TNFSF9: variants seen among roughly 807,000 people sequenced by gnomAD.
The protein encoded by TNFSF9 is TNF superfamily member 9.
Under a neutral mutation model 10.3 loss-of-function variants are expected in TNFSF9, and 10 were observed. That is an observed-to-expected ratio of 0.97 (90% confidence interval 0.60 to 1.65). The LOEUF (loss-of-function observed/expected upper bound fraction) is 1.65, where lower values mean the gene tolerates loss of function less well. TNFSF9 is among the 40% of genes most tolerant of loss of function. The pLI, the probability that TNFSF9 is intolerant of heterozygous loss-of-function variation, is 0.00. For synonymous variants in TNFSF9, 195 were observed against 176.1 expected (o/e 1.11, Z -0.85); for missense variants, 361 against 348.9 (o/e 1.03, Z -0.28).
At position 6,535,022 on chromosome 19, in the gene TNFSF9, A is replaced by T. The variant is rs1915238819; in HGVS notation, c.721A>T (p.Thr241Ser). Residue 241 changes from threonine (T) to serine (S), a missense_variant, in exon 3 of 3, where the codon ACC (threonine) becomes TCC (serine). Coordinates refer to ENST00000245817, the MANE Select transcript of TNFSF9 (RefSeq NM_003811.4). ...CACAGTCTTGGGACTCTTCCGGGTGACCCCCGAAATCCCAGCCGGACTCCC... is the reference window on the plus strand; with the variant it reads ...CACAGTCTTGGGACTCTTCCGGGTGTCCCCCGAAATCCCAGCCGGACTCCC... ...GATVLGLFRV[T>S]PEIPAGLPSP... 6.3e-7 allele frequency: 1 copy of T among 1,587,648 alleles called. No homozygotes were observed. Among genetic ancestry groups the T allele is most frequent in the African/African-American group, 1.3e-5 (1 of 74,194 alleles).
rs1414163708 is a variant in TNFSF9, at chr19:6,531,298, C to A, written c.262C>A (p.Arg88=). 2.7e-6 allele frequency: 4 copies of A among 1,492,540 alleles called. No homozygotes were observed. In the African/African-American group the frequency reaches 4.4e-5, roughly 16 times the overall value. 92.5% of individuals were successfully genotyped at this position (1,492,540 alleles called of 1,614,324 possible). Residue 88 remains arginine, a synonymous_variant, in exon 1 of 3, where the codon CGG becomes AGG. Transcript: ENST00000245817. ...CGATCCCGCCGGCCTCTTGGACCTG[C>A]GGCAGGTGAGACGTGCCCCGACCCT... The part of the protein sequence containing the change: ...PDDPAGLLDL[R]QGMFAQLVAQ...
chr19:6,534,250 C>T (rs1358185372), intron 2 of TNFSF9, among the ~76,000 whole-genome samples: 2 of 151,644 alleles, frequency 1.3e-5, no homozygotes, highest in African/African-American at 4.8e-5. Flanking sequence ...ACCCGCATCA[C>T]TCCTTCCCCA....
chr19:6,534,458 C>A, intron 2 of TNFSF9, 142 bp from the exon 3 acceptor site: 1 of 696,406 alleles, frequency 1.4e-6, no homozygotes, highest in Non-Finnish European at 2.3e-6. Context: ...CCCTGTCCCG[C>A]TCCCTGCCCC....
chr19:6,535,075 C>G lies in TNFSF9; in HGVS notation c.*9C>G. On this transcript the variant is annotated 3_prime_UTR_variant, in exon 3 of 3. Coordinates refer to ENST00000245817, the MANE Select transcript of TNFSF9 (RefSeq NM_003811.4). ...CACCGAGGTCGGAATAACGTCCAGCCTGGGTGCAGCCCACCTGGACAGAGT... is the reference window on the plus strand; with the variant it reads ...CACCGAGGTCGGAATAACGTCCAGCGTGGGTGCAGCCCACCTGGACAGAGT... The G allele has an allele frequency of 6.5e-7, 1 of 1,532,650 alleles. No individual in the cohort carries two copies. The highest frequency in any genetic ancestry group is 8.8e-7 in the Non-Finnish European group (1 of 1,139,042). 94.9% of individuals were successfully genotyped at this position (1,532,650 alleles called of 1,614,324 possible).
intron 1 of TNFSF9, among the ~76,000 whole-genome samples, chr19:6,532,033 C>CT (rs1014157045): frequency 1.3e-5 from 2 of 152,166 alleles, no homozygotes; most frequent in Non-Finnish European, 2.9e-5. Context: ...TGGGGGGAAC[C>CT]TTTTTTCCAT....
In TNFSF9 at chr19:6,535,370, G is replaced by A. The variant is rs1418723728; in HGVS notation, c.*304G>A. 7.0e-6 allele frequency: 1 copy of A among 142,582 alleles called. No homozygotes were observed. The highest frequency in any genetic ancestry group is 6.9e-5 in the Admixed American group (1 of 14,418). 8.8% of individuals were successfully genotyped at this position (142,582 alleles called of 1,614,324 possible). A position where few individuals can be genotyped will look rare whatever the true frequency, so the allele number is the denominator to read the frequency against. On this transcript the variant is annotated 3_prime_UTR_variant, in exon 3 of 3. Transcript: ENST00000245817. ...TTAGAGGAGTTGTTTTGGGGGGGGG[G>A]GGGTCTTCGACATTGCCGAGGCTGG... is the stretch of plus-strand genomic sequence containing the variant.
rs749625766 is a variant in TNFSF9, at chr19:6,534,782, G to C, written c.481G>C (p.Val161Leu). 13 of 1,599,704 alleles carry C rather than the reference G, an allele frequency of 8.1e-6. No homozygotes were observed. Among genetic ancestry groups the C allele is most frequent in the Admixed American group, 6.9e-5 (4 of 57,938 alleles). Residue 161 changes from valine to leucine, a missense_variant, in exon 3 of 3, where the codon GTT becomes CTT. Transcript: ENST00000245817. ...RVVAGEGSGS[V>L]SLALHLQPLR... ...GGTGGCCGGCGAGGGCTCAGGCTCC[G>C]TTTCACTTGCGCTGCACCTGCAGCC...
chr19:6,532,842 C>T (rs762154311), intron 2 of TNFSF9, 26 bp downstream of exon 2: 15 of 1,613,612 alleles, frequency 9.3e-6, no homozygotes, highest in Non-Finnish European at 1.3e-5. Context: ...CACTTCCGGT[C>T]CCTGGCCCCC....
chr19:6,531,660 C>A (rs1915149584), intron 1 of TNFSF9, among the ~76,000 whole-genome samples: 1 of 151,946 alleles, frequency 6.6e-6, no homozygotes, highest in Non-Finnish European at 1.5e-5. Context: ...GAGGAGACCC[C>A]CACAAGTTCT....
At chr19:6,532,266 C>CGTGTGTGTGTGTGT (rs3043218) in intron 1 of TNFSF9, among the ~76,000 whole-genome samples, 14 of 139,820 alleles carry the variant, frequency 1.0e-4, no homozygotes, top group African/African-American at 3.4e-4. Context: ...CCACCAGCTT[C>CGTGTGTGTGTGTGT]GTGTGTGTGT....
At position 6,534,892 on chromosome 19, in the gene TNFSF9, C is replaced by G. The variant is rs375425240; in HGVS notation, c.591C>G (p.Phe197Leu). The change falls in exon 3 of 3, where the codon TTC becomes TTG. Residue 197 changes from phenylalanine (F) to leucine (L), a missense_variant. By Grantham distance (22) the Phe-to-Leu change is conservative. Transcript: ENST00000245817. ...PASSEARNSAFGFQGRLLHLS... is the reference protein window; with the variant it reads ...PASSEARNSALGFQGRLLHLS... ...CCTCCGAGGCTCGGAACTCGGCCTT[C>G]GGTTTCCAGGGCCGCTTGCTGCACC... is the stretch of plus-strand genomic sequence containing the variant. The G allele has an allele frequency of 1.2e-6, 2 of 1,607,764 alleles. No homozygotes were observed. Among genetic ancestry groups the G allele is most frequent in the Non-Finnish European group, 1.7e-6 (2 of 1,179,166 alleles).
rs1263107094 is a variant in TNFSF9 at position 6,531,435 on chromosome 19, G to C, written c.267+132G>C. 3.1e-6 allele frequency: 4 copies of C among 1,279,944 alleles called. No homozygotes were observed. The African/African-American group carries it at 6.3e-5, about 20-fold the overall frequency. The allele number at this position is 1,279,944 out of a possible 1,614,324, so 79.3% of individuals were successfully genotyped here. ...CCCGGCCGGGGAGAGGAGACCCACC[G>C]GGGCTCCCATTCTCCATCTAGCACC... On this transcript the variant is annotated intron_variant, in intron 1 of 2. Transcript: ENST00000245817.
At position 6,534,881 on chromosome 19, in the gene TNFSF9, A is replaced by G; in HGVS notation, c.580A>G (p.Asn194Asp). Reference sequence around the variant, plus strand: ...GCCACCCGCCTCCTCCGAGGCTCGGAACTCGGCCTTCGGTTTCCAGGGCCG... The same window carrying G: ...GCCACCCGCCTCCTCCGAGGCTCGGGACTCGGCCTTCGGTTTCCAGGGCCG... ...DLPPASSEARNSAFGFQGRLL... is the reference protein window; with the variant it reads ...DLPPASSEARDSAFGFQGRLL... The change falls in exon 3 of 3, where the codon AAC (asparagine) becomes GAC (aspartate). Residue 194 changes from asparagine to aspartate, a missense_variant. Transcript: ENST00000245817. 6.2e-7 allele frequency: 1 copy of G among 1,607,676 alleles called. No individual in the cohort carries two copies. Among genetic ancestry groups the G allele is most frequent in the Non-Finnish European group, 8.5e-7 (1 of 1,179,114 alleles).
intron 1 of TNFSF9, 85 bp downstream of exon 1, chr19:6,531,388 C>T: frequency 7.3e-7 from 1 of 1,369,226 alleles, no homozygotes; most frequent in Middle Eastern, 2.7e-4. Context: ...TCCCGCACCC[C>T]CAGGGACACC....
chr19:6,534,553 T>C (rs1241102976), intron 2 of TNFSF9, 47 bp from the exon 3 acceptor site: 1 of 1,502,504 alleles, frequency 6.7e-7, no homozygotes, highest in African/African-American at 1.4e-5. Context: ...CGCTCAGCTG[T>C]GCTGGGACAT....
At chr19:6,532,919 T>C in intron 2 of TNFSF9, 103 bp downstream of exon 2, 2 of 1,536,962 alleles carry the variant, frequency 1.3e-6, no homozygotes, top group African/African-American at 2.7e-5. Context: ...GCACACTGGC[T>C]TTGACCCTTG....
At chr19:6,534,523 A>C in intron 2 of TNFSF9, 77 bp from the exon 3 acceptor site, 1 of 1,241,120 alleles carries the variant, frequency 8.1e-7, no homozygotes, top group South Asian at 1.4e-5. Context: ...GGCTGCGCTG[A>C]CATGTTCGGT....
chr19:6,532,437 T>TGTG (rs1555758783), intron 1 of TNFSF9, among the ~76,000 whole-genome samples: 3 of 148,884 alleles, frequency 2.0e-5, no homozygotes, highest in East Asian at 2.0e-4. Flanking sequence ...GTGTGGGTGT[T>TGTG]TGTGTTCATG....
At position 6,534,946 on chromosome 19, in the gene TNFSF9, T is replaced by A; in HGVS notation, c.645T>A (p.His215Gln). Residue 215 changes from histidine (H) to glutamine (Q), a missense_variant, in exon 3 of 3, where the codon CAT (histidine) becomes CAA (glutamine). Transcript: ENST00000245817. ...GTGCCGGCCAGCGCCTGGGCGTCCA[T>A]CTTCACACTGAGGCCAGGGCACGCC... ...HLSAGQRLGV[H>Q]LHTEARARHA... is the part of the protein sequence containing the mutation. The A allele has an allele frequency of 1.2e-6, 2 of 1,611,428 alleles. No homozygotes were observed. The highest frequency in any genetic ancestry group is 1.7e-6 in the Non-Finnish European group (2 of 1,179,626).
Sources: gnomAD v4.1 joint callset for allele counts (sites outside exome capture counted in the v4.1 genomes callset) on GRCh38, gnomAD v4.1.1 for gene constraint, MANE v1.5 for transcripts, NCBI Gene and HGNC (gene_info 2026-07-23, HGNC 2026-07-21) for gene names.